Variants in CDH4 observed in about 807,000 individuals in gnomAD.
CDH4 encodes cadherin 4.
Under a neutral mutation model 86.0 loss-of-function variants are expected in CDH4, and 33 were observed. That is an observed-to-expected ratio of 0.38 (90% CI 0.29 to 0.51). The LOEUF (loss-of-function observed/expected upper bound fraction) is 0.51, where lower values mean the gene tolerates loss of function less well. Ranked by LOEUF, CDH4 falls within the 20% of genes least tolerant of loss-of-function variation. The pLI, the probability that CDH4 is intolerant of heterozygous loss-of-function variation, is 0.86. For synonymous variants in CDH4, 555 were observed against 549.4 expected (o/e 1.01, Z -0.14); for missense variants, 1,114 against 1,307.4 (o/e 0.85, Z 2.28).
chr20:61,312,132 T>TG (rs879382376), intron 2 of CDH4, among the ~76,000 whole-genome samples: 4 of 149,550 alleles, frequency 2.7e-5, no homozygotes, highest in Non-Finnish European at 6.0e-5. Flanking sequence ...GTGGGTGGTG[T>TG]GTGTGTGGTG....
At chr20:61,268,891 T>C (rs1353485629) in intron 2 of CDH4, among the ~76,000 whole-genome samples, 1 of 152,208 alleles carries the variant, frequency 6.6e-6, no homozygotes, top group African/African-American at 2.4e-5. Context: ...TGTTCCTTTA[T>C]AGCAACACCA....
At chr20:61,364,409 C>T (rs899962290) in intron 2 of CDH4, among the ~76,000 whole-genome samples, 4 of 152,236 alleles carry the variant, frequency 2.6e-5, no homozygotes, top group Non-Finnish European at 5.9e-5. Context: ...GTTCACAGCA[C>T]TGCATGAGCT....
Position 61,480,852 on chromosome 20 carries a change from G to A in CDH4, c.169+225915G>A, listed in dbSNP as rs1252426744. On this transcript the variant is annotated intron_variant, in intron 2 of 15. Transcript: ENST00000614565. This position sits in a 1 kb window ranked among gnomAD's most constrained non-coding sequence, Gnocchi z 5.2. ...ATGCCCCATCTTTGAACTGCAGTTTGTTGGCTGTGCATTAGGTCTGCTCCT... is the reference window on the plus strand; with the variant it reads ...ATGCCCCATCTTTGAACTGCAGTTTATTGGCTGTGCATTAGGTCTGCTCCT... Among the ~76,000 whole-genome samples the A allele has an allele frequency of 1.3e-5, 2 of 152,264 alleles. No individual in the cohort carries two copies. Among genetic ancestry groups the A allele is most frequent in the East Asian group, 1.9e-4 (1 of 5,208 alleles).
Position 61,598,703 on chromosome 20 carries a change from G to T in CDH4, c.170-144860G>T, listed in dbSNP as rs115237015. Among the ~76,000 whole-genome samples the T allele has an allele frequency of 2.8e-3, 428 of 152,294 alleles. 3 individuals carry two copies. The highest frequency in any genetic ancestry group is 9.8e-3 in the African/African-American group (408 of 41,568). On this transcript the variant is annotated intron_variant, in intron 2 of 15. Coordinates refer to ENST00000614565, the MANE Select transcript of CDH4 (RefSeq NM_001794.5). ...CCGTCTGTGCCTTAGCCACAGGCCA[G>T]ATCTCATCGTGTTTCTCACCCTCTT...
chr20:61,279,780 C>T (rs1202596433), intron 2 of CDH4, among the ~76,000 whole-genome samples: 3 of 152,206 alleles, frequency 2.0e-5, no homozygotes, highest in Non-Finnish European at 4.4e-5. Context: ...GCACCAAGCA[C>T]AGCACATCTG....
chr20:61,429,313 C>T (rs147620111), intron 2 of CDH4, among the ~76,000 whole-genome samples: 4 of 152,302 alleles, frequency 2.6e-5, no homozygotes, highest in Admixed American at 2.6e-4. Context: ...AAGGCAGAGG[C>T]AGCATCCCAC....
intron 2 of CDH4, among the ~76,000 whole-genome samples, chr20:61,323,608 G>A (rs530058583): frequency 3.3e-5 from 5 of 152,124 alleles, no homozygotes; most frequent in African/African-American, 9.7e-5. Flanking sequence ...GCTCCCTGAC[G>A]GTGATAATTT....
intron 2 of CDH4, among the ~76,000 whole-genome samples, chr20:61,519,589 C>T (rs532593599): frequency 1.3e-5 from 2 of 152,366 alleles, no homozygotes; most frequent in South Asian, 2.1e-4. Context: ...CCTGGTGCCC[C>T]GACCCCGAGG....
chr20:61,327,486 C>G (rs2084542994), intron 2 of CDH4, among the ~76,000 whole-genome samples: 1 of 152,158 alleles, frequency 6.6e-6, no homozygotes, highest in African/African-American at 2.4e-5. Flanking sequence ...TTACTACATG[C>G]AGAATAAAAC....
chr20:61,617,843 CCCATAATT>C (rs1249132558), intron 2 of CDH4, among the ~76,000 whole-genome samples: 7 of 152,194 alleles, frequency 4.6e-5, no homozygotes, highest in African/African-American at 1.7e-4. Context: ...AATTGTAGCT[CCCATAATT>C]CCCACATGTT....
chr20:61,852,069 A>G (rs182442088), intron 5 of CDH4, among the ~76,000 whole-genome samples: 1 of 152,136 alleles, frequency 6.6e-6, no homozygotes, highest in East Asian at 2.0e-4. Flanking sequence ...CACCTCGAAG[A>G]TGGTTCCTGT....
chr20:61,341,088 G>A (rs376893637), intron 2 of CDH4, among the ~76,000 whole-genome samples: 6 of 152,234 alleles, frequency 3.9e-5, no homozygotes, highest in Non-Finnish European at 7.3e-5. Flanking sequence ...AGACAGTCAC[G>A]ATCCTGGCCT....
At position 61,577,129 on chromosome 20, in the gene CDH4, GTGTGTGTTGAAGGATGAGTGGATGTTT is replaced by G. The variant is rs1204380794; in HGVS notation, c.170-166413_170-166387del. Among the ~76,000 whole-genome samples, 7 of 152,242 alleles carry G rather than the reference GTGTGTGTTGAAGGATGAGTGGATGTTT, an allele frequency of 4.6e-5. No homozygotes were observed. The East Asian group carries it at 1.4e-3, about 29-fold the overall frequency. ...GTGTGTTGAAAGACAAGTGGATGTT[GTGTGTGTTGAAGGATGAGTGGATGTTT>G]TGTGTGTTGAAGGATGAGTGTATGT... On this transcript the variant is annotated intron_variant, in intron 2 of 15. Transcript: ENST00000614565.
At chr20:61,752,046 C>CT (rs2088503031) in intron 3 of CDH4, among the ~76,000 whole-genome samples, 1 of 152,174 alleles carries the variant, frequency 6.6e-6, no homozygotes, top group African/African-American at 2.4e-5. Context: ...AAAATAAGAA[C>CT]TTCTGCCAGG....
rs564717921 is a variant in CDH4, at chr20:61,841,771, G to A, written c.577-2897G>A. On this transcript the variant is annotated intron_variant, in intron 4 of 15. Transcript: ENST00000614565. ...TGCACAGGAGTGTGTGTGTGTGCGCGCGTGCGCGCACCGTGGGCCTGCAGG... is the reference window on the plus strand; with the variant it reads ...TGCACAGGAGTGTGTGTGTGTGCGCACGTGCGCGCACCGTGGGCCTGCAGG... Among the ~76,000 whole-genome samples, 22 of 150,080 alleles carry A rather than the reference G, an allele frequency of 1.5e-4. No homozygotes were observed. The East Asian group carries it at 3.5e-3, about 24-fold the overall frequency.
At chr20:61,331,264 C>T (rs2084571118) in intron 2 of CDH4, among the ~76,000 whole-genome samples, 3 of 152,068 alleles carry the variant, frequency 2.0e-5, no homozygotes, top group African/African-American at 7.2e-5. Flanking sequence ...GGCCCTCCCT[C>T]AGCCTGTTCT....
intron 2 of CDH4, among the ~76,000 whole-genome samples, chr20:61,329,253 G>A (rs571069198): frequency 5.3e-5 from 5 of 94,192 alleles, no homozygotes; most frequent in East Asian, 2.9e-4. Flanking sequence ...ATTCACATAC[G>A]TTCTGCACTG....
At chr20:61,592,734 T>C (rs565481863) in intron 2 of CDH4, among the ~76,000 whole-genome samples, 99 of 152,268 alleles carry the variant, frequency 6.5e-4, no homozygotes, top group African/African-American at 2.0e-3. Flanking sequence ...TCCCACGCAG[T>C]CTTCTGGGCC....
At chr20:61,845,629 T>G (rs937258269) in intron 5 of CDH4, among the ~76,000 whole-genome samples, 3 of 152,268 alleles carry the variant, frequency 2.0e-5, no homozygotes, top group African/African-American at 7.2e-5. Context: ...TGTGAGCTAT[T>G]GGGCAGATGC....
Sources: gnomAD v4.1 joint callset for allele counts (sites outside exome capture counted in the v4.1 genomes callset) on GRCh38, gnomAD v4.1.1 for gene constraint, Gnocchi (gnomAD v3.1) non-coding constraint, MANE v1.5 for transcripts, NCBI Gene and HGNC (gene_info 2026-07-23, HGNC 2026-07-21) for gene names.